PIK3AP1: variants seen among roughly 807,000 people sequenced by gnomAD.
PIK3AP1 encodes the protein phosphoinositide 3-kinase adapter protein 1.
In PIK3AP1, 21 loss-of-function variants were observed where a neutral mutation model predicts 88.1. The observed-to-expected ratio is 0.24, with a 90% CI of 0.17 to 0.34. The LOEUF (loss-of-function observed/expected upper bound fraction) is 0.34, where lower values mean the gene tolerates loss of function less well. PIK3AP1 is among the 10% of genes least tolerant of loss of function. The probability of loss-of-function intolerance (pLI) is 1.00; values close to 1 mark genes in which losing one functional copy is unlikely to be tolerated. For missense variants in PIK3AP1, 828 were observed against 1,035.7 expected (o/e 0.80, Z 2.75); for synonymous variants, 398 against 400.0 (o/e 1.00, Z 0.06).
intron 6 of PIK3AP1, among the ~76,000 whole-genome samples, chr10:96,650,120 G>T (rs1273228496): frequency 6.6e-6 from 1 of 152,072 alleles, no homozygotes; most frequent in Non-Finnish European, 1.5e-5. Context: ...TTTCTTCTAA[G>T]CCCCAAACTT....
chr10:96,630,296 C>A (rs1306369344), intron 8 of PIK3AP1, among the ~76,000 whole-genome samples: 1 of 152,110 alleles, frequency 6.6e-6, no homozygotes, highest in Non-Finnish European at 1.5e-5. Context: ...AATGAGGAAC[C>A]AGTAAATGAA....
chr10:96,681,988 G>A (rs1046592721), intron 2 of PIK3AP1, among the ~76,000 whole-genome samples: 656 of 60,238 alleles, frequency 0.011, 6 homozygotes, highest in African/African-American at 0.051. Context: ...ATAAATATAT[G>A]TGTGTGTATA....
chr10:96,623,366 A>G, intron 11 of PIK3AP1, 106 bp downstream of exon 11: 1 of 1,122,228 alleles, frequency 8.9e-7, no homozygotes, highest in Non-Finnish European at 1.3e-6. Flanking sequence ...CCTGGCCTAG[A>G]TCCCTCTATT....
At chr10:96,679,231 A>C (rs1843965759) in intron 2 of PIK3AP1, among the ~76,000 whole-genome samples, 1 of 152,138 alleles carries the variant, frequency 6.6e-6, no homozygotes, top group African/African-American at 2.4e-5. Flanking sequence ...GTGCATTTTG[A>C]ATTATTAATA....
chr10:96,651,098 T>G, intron 6 of PIK3AP1, 150 bp downstream of exon 6: 1 of 1,036,122 alleles, frequency 9.7e-7, no homozygotes, highest in Non-Finnish European at 1.4e-6. Flanking sequence ...GGCTAACCAG[T>G]CAAGAATGAG....
intron 16 of PIK3AP1, among the ~76,000 whole-genome samples, chr10:96,597,370 CTCTCTCTT>C (rs1226136761): frequency 3.2e-4 from 5 of 15,396 alleles, no homozygotes; most frequent in Non-Finnish European, 4.2e-4. Context: ...CTCTCTCTCT[CTCTCTCTT>C]TCTTTCTTTC....
chr10:96,650,866 G>A (rs561597466), intron 6 of PIK3AP1, among the ~76,000 whole-genome samples: 77 of 152,194 alleles, frequency 5.1e-4, no homozygotes, highest in Non-Finnish European at 9.7e-4. Context: ...CTTGTTCACA[G>A]GTTAAGCAGT....
At chr10:96,602,614 T>C (rs1285665474) in intron 15 of PIK3AP1, among the ~76,000 whole-genome samples, 2 of 152,198 alleles carry the variant, frequency 1.3e-5, no homozygotes, top group Non-Finnish European at 2.9e-5. Context: ...TGATCATTAA[T>C]TGCCTGAATT....
intron 13 of PIK3AP1, among the ~76,000 whole-genome samples, chr10:96,614,312 T>A (rs1191316559): frequency 6.6e-6 from 1 of 152,068 alleles, no homozygotes; most frequent in Non-Finnish European, 1.5e-5. Context: ...GCGCATGGAC[T>A]CTAGTTTTAA....
At position 96,704,890 on chromosome 10, in the gene PIK3AP1, G is replaced by A. The variant is rs147272034; in HGVS notation, c.430+4677C>T. Among the ~76,000 whole-genome samples, 7 of 152,148 alleles carry A rather than the reference G, an allele frequency of 4.6e-5. No homozygotes were observed. The East Asian group carries it at 1.4e-3, about 29-fold the overall frequency. On this transcript the variant is annotated intron_variant, in intron 2 of 16. Coordinates refer to ENST00000339364, the MANE Select transcript of PIK3AP1 (RefSeq NM_152309.3). ...CAAAAGAAAGTATAATTGACTACCT[G>A]TAATCTAAGTTTCAAGAATAAAATA...
chr10:96,690,624 T>C (rs185694306), intron 2 of PIK3AP1, among the ~76,000 whole-genome samples: 8 of 152,330 alleles, frequency 5.3e-5, no homozygotes, highest in Admixed American at 1.3e-4. Context: ...TGTGTCCAGA[T>C]CGCTCATCTT....
At chr10:96,602,220 T>G in intron 16 of PIK3AP1, 60 bp downstream of exon 16, 2 of 1,347,982 alleles carry the variant, frequency 1.5e-6, no homozygotes, top group Non-Finnish European at 2.1e-6. Context: ...TGTTTCCAAG[T>G]CCTATTCTCC....
chr10:96,645,447 A>G, intron 8 of PIK3AP1, 26 bp downstream of exon 8: 1 of 1,604,266 alleles, frequency 6.2e-7, no homozygotes. Flanking sequence ...AGAAAGGTGG[A>G]AGCAGAACTG....
intron 1 of PIK3AP1, among the ~76,000 whole-genome samples, chr10:96,717,514 G>T (rs1381485999): frequency 6.6e-6 from 1 of 152,122 alleles, no homozygotes; most frequent in Non-Finnish European, 1.5e-5. Flanking sequence ...TCAAATTTAG[G>T]TACTGGCAAG....
intron 8 of PIK3AP1, among the ~76,000 whole-genome samples, chr10:96,636,820 C>T (rs1025943248): frequency 2.2e-5 from 3 of 133,768 alleles, no homozygotes; most frequent in Admixed American, 8.2e-5. Context: ...AAAGAACCCA[C>T]TCCTGGAATG....
chr10:96,716,213 CAGAGG>C (rs1844500442), intron 1 of PIK3AP1, among the ~76,000 whole-genome samples: 1 of 152,154 alleles, frequency 6.6e-6, no homozygotes, highest in Non-Finnish European at 1.5e-5. Flanking sequence ...ACCTGGGAGG[CAGAGG>C]TTGCAGTGAG....
Position 96,686,419 on chromosome 10 carries a change from T to C in PIK3AP1, c.430+23148A>G, listed in dbSNP as rs79443659. ...AACCAAACTGGAATTCAGGAGACAA[T>C]TCGATAAATGAGTTTTACCCGTGGA... On this transcript the variant is annotated intron_variant, in intron 2 of 16. Transcript: ENST00000339364. 3.1e-3 allele frequency among the ~76,000 whole-genome samples: 471 copies of C among 152,236 alleles called. 1 individual carries two copies. The highest frequency in any genetic ancestry group is 0.011 in the African/African-American group (455 of 41,530).
chr10:96,626,924 G>C lies in PIK3AP1; in HGVS notation c.1472-19C>G. 6.2e-7 allele frequency: 1 copy of C among 1,604,106 alleles called. No individual in the cohort carries two copies. On this transcript the variant is annotated intron_variant, in intron 9 of 16. Transcript: ENST00000339364. ...CTGTTGCCTAGAAACGCAGAGAAAG[G>C]TGACTGAAAGCAGTGGCCAAACAAA...
At chr10:96,626,448 A>C (rs560577937) in intron 10 of PIK3AP1, among the ~76,000 whole-genome samples, 2 of 152,366 alleles carry the variant, frequency 1.3e-5, no homozygotes, top group East Asian at 3.9e-4. Flanking sequence ...TCAGGAGATA[A>C]AAATATATCA....
Sources: allele counts gnomAD v4.1 joint callset (sites outside exome capture counted in the v4.1 genomes callset), GRCh38; gene constraint gnomAD v4.1.1; transcripts MANE v1.5; gene names NCBI Gene and HGNC (gene_info 2026-07-23, HGNC 2026-07-21).